Variants in HAUS5 observed in about 807,000 individuals in gnomAD.
The protein encoded by HAUS5 is HAUS augmin-like complex subunit 5.
A neutral mutation model predicts 94.1 loss-of-function variants in HAUS5; 67 were observed. The observed-to-expected ratio is 0.71, with a 90% CI of 0.58 to 0.87. The LOEUF (loss-of-function observed/expected upper bound fraction) is 0.87, where lower values mean the gene tolerates loss of function less well. Among genes scored for constraint, HAUS5 ranks in the 40% least tolerant of loss-of-function variants. The pLI, the probability that HAUS5 is intolerant of heterozygous loss-of-function variation, is 0.00. For synonymous variants in HAUS5, 339 were observed against 355.4 expected, an observed-to-expected ratio of 0.95 and a Z score of 0.52; for missense variants, 739 against 825.6, an observed-to-expected ratio of 0.90 and a Z score of 1.29.
chr19:35,614,999 G>A, intron 4 of HAUS5, 43 bp from the exon 5 acceptor site: 1 of 1,458,028 alleles, frequency 6.9e-7, no homozygotes, highest in Non-Finnish European at 9.4e-7. Context: ...AGGCCAGGCT[G>A]AGCCCCGATC....
intron 17 of HAUS5, among the ~76,000 whole-genome samples, chr19:35,621,131 G>C (rs1967202827): frequency 6.6e-6 from 1 of 152,202 alleles, no homozygotes; most frequent in Admixed American, 6.5e-5. Context: ...ACATGGAAGA[G>C]GAGAATTGAT....
rs368096921 is a variant in HAUS5 at position 35,617,128 on chromosome 19, G to A, written c.490G>A (p.Ala164Thr). The A allele has an allele frequency of 6.2e-7, 1 of 1,613,210 alleles. No homozygotes were observed. Among genetic ancestry groups the A allele is most frequent in the African/African-American group, 1.3e-5 (1 of 74,918 alleles). ...CAGCTGCACTTCTCCCTCCAGGAAA[G>A]CCAAAGTAGATGTGACCTTTGGATC... ...LRRLQDMERKAKVDVTFGSLT... is the reference protein window; with the variant it reads ...LRRLQDMERKTKVDVTFGSLT... The change falls in exon 7 of 19, where the codon GCC (alanine) becomes ACC (threonine). Residue 164 changes from alanine to threonine, a missense_variant. Physicochemically the swap from Ala to Thr is moderately conservative, Grantham distance 58. Coordinates refer to ENST00000203166, the MANE Select transcript of HAUS5 (RefSeq NM_015302.2).
chr19:35,619,898 G>C (rs2146340104), intron 15 of HAUS5, 114 bp from the exon 16 acceptor site: 1 of 1,529,276 alleles, frequency 6.5e-7, no homozygotes, highest in Non-Finnish European at 8.8e-7. Context: ...CAGCAGCCCT[G>C]GTCTTGGCAT....
At position 35,623,026 on chromosome 19, in the gene HAUS5, C is replaced by A; in HGVS notation, c.*33C>A. On this transcript the variant is annotated 3_prime_UTR_variant, in exon 19 of 19. Transcript: ENST00000203166. ...GTTCAAACGGAAGCCGAGAACTTGA[C>A]ACTGTTCACCCCAACACCTCACCTC... is the stretch of plus-strand genomic sequence containing the variant. 7.3e-7 allele frequency: 1 copy of A among 1,373,248 alleles called. No homozygotes were observed. Among genetic ancestry groups the A allele is most frequent in the Non-Finnish European group, 1.0e-6 (1 of 970,534 alleles). 85.1% of individuals were successfully genotyped at this position (1,373,248 alleles called of 1,614,324 possible). A position where few individuals can be genotyped will look rare whatever the true frequency, so the allele number is the denominator to read the frequency against.
Position 35,622,710 on chromosome 19 carries a change from G to C in HAUS5, c.1761G>C (p.Glu587Asp). Residue 587 changes from glutamate to aspartate, a missense_variant, in exon 18 of 19, where the codon GAG becomes GAC. Coordinates refer to ENST00000203166, the MANE Select transcript of HAUS5 (RefSeq NM_015302.2). ...AACAGGCACTGGAGCGAATCCCTGAGCTGCAGGGGATCGTGGGGGACTGGT... is the reference window on the plus strand; with the variant it reads ...AACAGGCACTGGAGCGAATCCCTGACCTGCAGGGGATCGTGGGGGACTGGT... Reference protein sequence around the residue: ...LLKQALERIPELQGIVGDWWE... With the variant: ...LLKQALERIPDLQGIVGDWWE... 2 of 1,614,186 alleles carry C rather than the reference G, an allele frequency of 1.2e-6. No individual in the cohort carries two copies. The highest frequency in any genetic ancestry group is 2.2e-5 in the East Asian group (1 of 44,864).
chr19:35,624,876 T>G lies in HAUS5; in HGVS notation c.*1883T>G, dbSNP rs1319836884. ...TTTTCAAATTTGGAAGTTTGGCAGC[T>G]TTATGATCTTGAACCTTGCTGTCCA... On this transcript the variant is annotated 3_prime_UTR_variant, in exon 19 of 19. Transcript: ENST00000203166. 6.6e-6 allele frequency: 1 copy of G among 152,230 alleles called. No homozygotes were observed. Among genetic ancestry groups the G allele is most frequent in the Non-Finnish European group, 1.5e-5 (1 of 68,042 alleles). 9.4% of individuals were successfully genotyped at this position (152,230 alleles called of 1,614,324 possible). A position where few individuals can be genotyped will look rare whatever the true frequency, so the allele number is the denominator to read the frequency against.
In HAUS5 at chr19:35,619,678, G is replaced by A. The variant is rs2146339678; in HGVS notation, c.1326G>A (p.Glu442=). 2 of 1,585,544 alleles carry A rather than the reference G, an allele frequency of 1.3e-6. No individual in the cohort carries two copies. The highest frequency in any genetic ancestry group is 1.7e-6 in the Non-Finnish European group (2 of 1,166,262). ...TFEAVAPQSR[E]LLRCLEEEVR... ...AGGCAGTGGCACCACAGAGCCGGGA[G>A]CTGCTGCGCTGTCTGGAGGAGGAAG... Residue 442 remains glutamate (E), a synonymous_variant, in exon 15 of 19, where the codon GAG becomes GAA. Coordinates refer to ENST00000203166, the MANE Select transcript of HAUS5 (RefSeq NM_015302.2).
At chr19:35,616,927 C>T (rs1458984170) in intron 6 of HAUS5, among the ~76,000 whole-genome samples, 197 bp from the exon 7 acceptor site, 4 of 152,204 alleles carry the variant, frequency 2.6e-5, no homozygotes, top group Non-Finnish European at 5.9e-5. Context: ...GGGTGGCAAA[C>T]AGTCTCGTGG....
chr19:35,614,081 A>G (rs747039243), intron 4 of HAUS5, 22 bp downstream of exon 4: 42 of 1,608,188 alleles, frequency 2.6e-5, no homozygotes, highest in Non-Finnish European at 3.3e-5. Context: ...ATGCTACAAG[A>G]TTCTCTTTCA....
At position 35,612,785 on chromosome 19, in the gene HAUS5, C is replaced by T; in HGVS notation, c.-10C>T. ...GCTGAGGGAGGCGGTGTCGCCGCCG[C>T]GGCGCTGTCATGGAGCTAGCGCAGG... is the stretch of plus-strand genomic sequence containing the variant. On this transcript the variant is annotated 5_prime_UTR_variant, in exon 1 of 19. Transcript: ENST00000203166. 6.5e-7 allele frequency: 1 copy of T among 1,541,230 alleles called. No homozygotes were observed. Among genetic ancestry groups the T allele is most frequent in the Non-Finnish European group, 8.7e-7 (1 of 1,143,594 alleles).
At chr19:35,613,846 T>A (rs755830668) in intron 2 of HAUS5, 22 bp from the exon 3 acceptor site, 8 of 1,614,078 alleles carry the variant, frequency 5.0e-6, no homozygotes, top group Non-Finnish European at 6.8e-6. Flanking sequence ...TAGTAACTCC[T>A]CTTTCTGCCT....
In HAUS5 at chr19:35,614,028, T is replaced by A. The variant is rs763575013; in HGVS notation, c.195-7T>A. ...CTCATCCGCTGACTCTGGCCTCGTT[T>A]TCCTAGGTATGGCCACCAGGACAGT... On this transcript the variant is annotated splice_polypyrimidine_tract_variant and splice_region_variant and intron_variant, in intron 3 of 18. Coordinates refer to ENST00000203166, the MANE Select transcript of HAUS5 (RefSeq NM_015302.2). The A allele has an allele frequency of 2.4e-5, 39 of 1,613,904 alleles. No individual in the cohort carries two copies. Among genetic ancestry groups the A allele is most frequent in the Non-Finnish European group, 3.2e-5 (38 of 1,179,888 alleles).
intron 14 of HAUS5, 48 bp from the exon 15 acceptor site, chr19:35,619,565 G>A (rs1967169254): frequency 1.3e-6 from 2 of 1,599,928 alleles, no homozygotes; most frequent in Non-Finnish European, 1.7e-6. Flanking sequence ...GGGGCTGGGT[G>A]GACTTGTGAT....
Position 35,613,749 on chromosome 19 carries a change from G to T in HAUS5, c.118G>T (p.Ala40Ser), listed in dbSNP as rs1317519470. The T allele has an allele frequency of 8.7e-6, 14 of 1,613,974 alleles. No homozygotes were observed. The highest frequency in any genetic ancestry group is 1.2e-5 in the Non-Finnish European group (14 of 1,180,004). Residue 40 changes from alanine to serine, a missense_variant, in exon 2 of 19, where the codon GCT becomes TCT. Coordinates refer to ENST00000203166, the MANE Select transcript of HAUS5 (RefSeq NM_015302.2). ...TLRRLCLGQG[A>S]DIWAYILQHV... The stretch of plus-strand genomic sequence containing the variant: ...CCACAGGCTGTGTCTGGGCCAGGGG[G>T]CTGACATCTGGGCCTACATCTTGCA...
At chr19:35,619,880 C>T in intron 15 of HAUS5, 122 bp downstream of exon 15, 5 of 1,524,518 alleles carry the variant, frequency 3.3e-6, no homozygotes, top group Non-Finnish European at 4.4e-6. Flanking sequence ...CAGACCTCAC[C>T]CTTGGGTCAG....
chr19:35,623,149 A>G lies in HAUS5; in HGVS notation c.*156A>G, dbSNP rs746272786. On this transcript the variant is annotated 3_prime_UTR_variant, in exon 19 of 19. Transcript: ENST00000203166. ...CATGTGCTGTTCTGCTGCCCCACTC[A>G]GCTCCTGGACCCTGTCCTTTCATCC... The G allele has an allele frequency of 3.3e-6, 2 of 615,048 alleles. No homozygotes were observed. Among genetic ancestry groups the G allele is most frequent in the Non-Finnish European group, 2.9e-6 (1 of 346,950 alleles). The allele number at this position is 615,048 out of a possible 1,614,324, so 38.1% of individuals were successfully genotyped here.
At chr19:35,614,394 GGC>G (rs2071922713) in intron 4 of HAUS5, among the ~76,000 whole-genome samples, 1 of 151,924 alleles carries the variant, frequency 6.6e-6, no homozygotes, top group Non-Finnish European at 1.5e-5. Flanking sequence ...AGACCAGCCT[GGC>G]CAACACGGTG....
Position 35,624,885 on chromosome 19 carries a change from T to C in HAUS5, c.*1892T>C, listed in dbSNP as rs906181936. 4 of 152,192 alleles carry C rather than the reference T, an allele frequency of 2.6e-5. No homozygotes were observed. Among genetic ancestry groups the C allele is most frequent in the African/African-American group, 9.7e-5 (4 of 41,448 alleles). The allele number at this position is 152,192 out of a possible 1,614,324, so 9.4% of individuals were successfully genotyped here. A position where few individuals can be genotyped will look rare whatever the true frequency, so the allele number is the denominator to read the frequency against. On this transcript the variant is annotated 3_prime_UTR_variant, in exon 19 of 19. Coordinates refer to ENST00000203166, the MANE Select transcript of HAUS5 (RefSeq NM_015302.2). ...TTGGAAGTTTGGCAGCTTTATGATCTTGAACCTTGCTGTCCATCTCTCACA... is the reference window on the plus strand; with the variant it reads ...TTGGAAGTTTGGCAGCTTTATGATCCTGAACCTTGCTGTCCATCTCTCACA...
intron 17 of HAUS5, 132 bp downstream of exon 17, chr19:35,620,459 T>G: frequency 2.6e-6 from 2 of 759,638 alleles, no homozygotes; most frequent in Non-Finnish European, 2.1e-6. Flanking sequence ...ACATTCTCCC[T>G]TGTTTCATCT....
Sources: gnomAD v4.1 joint callset for allele counts (sites outside exome capture counted in the v4.1 genomes callset) on GRCh38, gnomAD v4.1.1 for gene constraint, MANE v1.5 for transcripts, NCBI Gene and HGNC (gene_info 2026-07-23, HGNC 2026-07-21) for gene names.